CDH4: variants seen among roughly 807,000 people sequenced by gnomAD.
CDH4 encodes the protein cadherin 4.
A neutral mutation model predicts 86.0 loss-of-function variants in CDH4; 33 were observed. That is an observed-to-expected ratio of 0.38 (90% confidence interval 0.29 to 0.51). The LOEUF is 0.51. Ranked by LOEUF, CDH4 falls within the 20% of genes least tolerant of loss-of-function variation. The pLI is 0.86. For missense variants in CDH4, 1,114 were observed against 1,307.4 expected (o/e 0.85, Z 2.28); for synonymous variants, 555 against 549.4 (o/e 1.01, Z -0.14).
intron 2 of CDH4, among the ~76,000 whole-genome samples, chr20:61,386,952 G>GT (rs1193498258): frequency 7.2e-5 from 11 of 152,384 alleles, no homozygotes; most frequent in African/African-American, 2.4e-4. Flanking sequence ...ATGTAGATAT[G>GT]TAAGCTGCCC....
At chr20:61,481,932 A>G (rs1327009559) in intron 2 of CDH4, among the ~76,000 whole-genome samples, 1 of 152,194 alleles carries the variant, frequency 6.6e-6, no homozygotes, top group African/African-American at 2.4e-5. Context: ...ACTTTTCCAT[A>G]CATATCGATG....
intron 2 of CDH4, among the ~76,000 whole-genome samples, chr20:61,311,841 G>A (rs1228421150): frequency 6.6e-6 from 1 of 152,276 alleles, no homozygotes; most frequent in Non-Finnish European, 1.5e-5. Context: ...GGAGTGTGTG[G>A]GACGCGCCAG....
At chr20:61,648,061 G>A (rs1357068929) in intron 2 of CDH4, among the ~76,000 whole-genome samples, 2 of 152,226 alleles carry the variant, frequency 1.3e-5, no homozygotes, top group African/African-American at 4.8e-5. Flanking sequence ...CTGCAGGCAG[G>A]CGTGGGCTCC....
intron 2 of CDH4, among the ~76,000 whole-genome samples, chr20:61,406,422 C>T (rs1600947974): frequency 1.3e-5 from 2 of 149,498 alleles, no homozygotes; most frequent in Admixed American, 6.7e-5. Flanking sequence ...ATCTGCTCTG[C>T]CCGGACCACC....
At chr20:61,264,202 G>A (rs567612018) in intron 2 of CDH4, among the ~76,000 whole-genome samples, 24 of 152,226 alleles carry the variant, frequency 1.6e-4, no homozygotes, top group South Asian at 6.2e-4. Flanking sequence ...ACTGGCTTCC[G>A]CACACTAAGG....
intron 9 of CDH4, among the ~76,000 whole-genome samples, chr20:61,915,322 C>G (rs2054892430): frequency 6.6e-6 from 1 of 152,232 alleles, no homozygotes. Context: ...TGGGCTGTGT[C>G]TGCTCAGAAA....
rs2087548722 is a variant in CDH4, at chr20:61,684,121, G to T, written c.170-59442G>T. Among the ~76,000 whole-genome samples, 1 of 152,216 alleles carries T rather than the reference G, an allele frequency of 6.6e-6. No homozygotes were observed. Among genetic ancestry groups the T allele is most frequent in the African/African-American group, 2.4e-5 (1 of 41,460 alleles). On this transcript the variant is annotated intron_variant, in intron 2 of 15. Coordinates refer to ENST00000614565, the MANE Select transcript of CDH4 (RefSeq NM_001794.5). The surrounding 1 kb of genome is among the most constrained non-coding windows in gnomAD (Gnocchi z 4.5). ...TGATACCTACTGTGTAGCAGGGATT[G>T]CAGTGGCATCGGACAAAGCCTCTGC...
chr20:61,778,282 CAG>C (rs1223899791), intron 4 of CDH4, among the ~76,000 whole-genome samples: 1 of 152,152 alleles, frequency 6.6e-6, no homozygotes, highest in Admixed American at 6.5e-5. Flanking sequence ...AAGCTGAGCA[CAG>C]AGCGCTTTGA....
chr20:61,398,560 C>T (rs2085031761), intron 2 of CDH4, among the ~76,000 whole-genome samples: 1 of 152,180 alleles, frequency 6.6e-6, no homozygotes, highest in Non-Finnish European at 1.5e-5. Flanking sequence ...CCCAGGGAGT[C>T]TCCCGGCGAA....
Position 61,934,220 on chromosome 20 carries a change from GGTGTGTGCCTCTCGGCA to G in CDH4, c.2544+4_2544+20del. 1 of 1,544,528 alleles carries G rather than the reference GGTGTGTGCCTCTCGGCA, an allele frequency of 6.5e-7. No individual in the cohort carries two copies. The highest frequency in any genetic ancestry group is 8.8e-7 in the Non-Finnish European group (1 of 1,142,168). ...GCGACATCGGTGACTTCATCAATGA[GGTGTGTGCCTCTCGGCA>G]GTGGGGGGCCCGGGCAAGGTGTCTC... On this transcript the variant is annotated splice_donor_variant and splice_donor_5th_base_variant and intron_variant, in intron 15 of 15. Coordinates refer to ENST00000614565, the MANE Select transcript of CDH4 (RefSeq NM_001794.5). LOFTEE classifies it high-confidence loss of function.
intron 5 of CDH4, among the ~76,000 whole-genome samples, chr20:61,846,634 G>A (rs150164336): frequency 1.9e-3 from 296 of 152,278 alleles, no homozygotes; most frequent in African/African-American, 6.9e-3. Context: ...CAGAAATAAA[G>A]AGAGAGACTG....
chr20:61,865,172 C>T (rs1013204230), intron 6 of CDH4, among the ~76,000 whole-genome samples: 5 of 152,176 alleles, frequency 3.3e-5, no homozygotes, highest in Non-Finnish European at 7.3e-5. Flanking sequence ...TCGCTGCATC[C>T]GGCAGGAGGC....
At position 61,293,361 on chromosome 20, in the gene CDH4, G is replaced by A. The variant is rs116058660; in HGVS notation, c.169+38424G>A. Among the ~76,000 whole-genome samples, 1,132 of 152,248 alleles carry A rather than the reference G, an allele frequency of 7.4e-3. 16 individuals are homozygous for A. The highest frequency in any genetic ancestry group is 0.026 in the African/African-American group (1,093 of 41,542). On this transcript the variant is annotated intron_variant, in intron 2 of 15. Transcript: ENST00000614565. ...GGTGCAGAGTGAGGGTTAGTGCACA[G>A]TTACCCCGGTATCTGGTCCCATGGG...
At chr20:61,534,316 TC>T (rs1487693184) in intron 2 of CDH4, among the ~76,000 whole-genome samples, 1 of 152,148 alleles carries the variant, frequency 6.6e-6, no homozygotes, top group Non-Finnish European at 1.5e-5. Context: ...GGGGAGGGTA[TC>T]GGGGCAGGAA....
At chr20:61,278,618 G>A (rs1303381469) in intron 2 of CDH4, among the ~76,000 whole-genome samples, 1 of 152,242 alleles carries the variant, frequency 6.6e-6, no homozygotes, top group South Asian at 2.1e-4. Context: ...GAGTCTCCCT[G>A]AAGTGTCTAC....
chr20:61,356,858 A>G (rs1218865144), intron 2 of CDH4, among the ~76,000 whole-genome samples: 1 of 152,212 alleles, frequency 6.6e-6, no homozygotes, highest in Non-Finnish European at 1.5e-5. Flanking sequence ...GATTATCTGG[A>G]CAGATTTGAA....
intron 7 of CDH4, 140 bp downstream of exon 7, chr20:61,874,040 G>T (rs1012071621): frequency 5.8e-6 from 5 of 868,682 alleles, no homozygotes; most frequent in African/African-American, 5.0e-5. Flanking sequence ...CTTGCCATGG[G>T]AGAGACTCAG....
At chr20:61,539,303 G>A (rs1188509686) in intron 2 of CDH4, among the ~76,000 whole-genome samples, 1 of 152,154 alleles carries the variant, frequency 6.6e-6, no homozygotes, top group Non-Finnish European at 1.5e-5. Flanking sequence ...TTAGTCAGTT[G>A]GGACCAACCA....
chr20:61,418,457 C>T (rs1052882485), intron 2 of CDH4, among the ~76,000 whole-genome samples: 7 of 152,050 alleles, frequency 4.6e-5, no homozygotes, highest in African/African-American at 1.4e-4. Context: ...ATGATCTGCC[C>T]GCCTCAGCCT....
Sources: gnomAD v4.1 joint callset for allele counts (sites outside exome capture counted in the v4.1 genomes callset) on GRCh38, gnomAD v4.1.1 for gene constraint, Gnocchi (gnomAD v3.1) non-coding constraint, MANE v1.5 for transcripts, NCBI Gene and HGNC (gene_info 2026-07-23, HGNC 2026-07-21) for gene names.